Variants in RTN4 observed in about 807,000 individuals in gnomAD.
The protein encoded by RTN4 is reticulon-4.
RTN4 carries 32 observed loss-of-function variants against 90.4 expected under a neutral mutation model. That is an observed-to-expected ratio of 0.35 (90% CI 0.27 to 0.48). The LOEUF (loss-of-function observed/expected upper bound fraction) is 0.48. Ranked by LOEUF, RTN4 falls within the 20% of genes least tolerant of loss-of-function variation. The probability of loss-of-function intolerance (pLI) is 0.99; values close to 1 mark genes in which losing one functional copy is unlikely to be tolerated. For synonymous variants in RTN4, 629 were observed against 552.5 expected (o/e 1.14, Z -1.94); for missense variants, 1,706 against 1,430.2 (o/e 1.19, Z -3.11).
intron 5 of RTN4, among the ~76,000 whole-genome samples, chr2:54,980,107 C>G (rs1021135473): frequency 6.6e-5 from 10 of 152,180 alleles, no homozygotes; most frequent in Non-Finnish European, 1.3e-4. Context: ...AAGAACTTAT[C>G]AAGTTCGATT....
chr2:55,077,992 C>T (rs1038709315), intron 2 of RTN4, among the ~76,000 whole-genome samples: 13 of 150,024 alleles, frequency 8.7e-5, no homozygotes, highest in East Asian at 2.0e-4. Flanking sequence ...ATACCATGGA[C>T]GTTTGGGGAC....
intron 3 of RTN4, among the ~76,000 whole-genome samples, chr2:55,006,319 G>C (rs1389499603): frequency 6.6e-6 from 1 of 152,136 alleles, no homozygotes; most frequent in East Asian, 1.9e-4. Flanking sequence ...ACTGAAAGGA[G>C]AGTCGTTCCA....
Position 55,050,326 on chromosome 2 carries a change from A to AG in RTN4, c.-27dup, listed in dbSNP as rs1553447950. 1 of 1,364,894 alleles carries AG rather than the reference A, an allele frequency of 7.3e-7. No homozygotes were observed. Among genetic ancestry groups the AG allele is most frequent in the Non-Finnish European group, 9.5e-7 (1 of 1,053,764 alleles). The allele number at this position is 1,364,894 out of a possible 1,614,324, so 84.5% of individuals were successfully genotyped here. On this transcript the variant is annotated 5_prime_UTR_variant, in exon 1 of 9. Coordinates refer to ENST00000337526, the MANE Select transcript of RTN4 (RefSeq NM_020532.5). The surrounding 1 kb of genome is among the most constrained non-coding windows in gnomAD (Gnocchi z 4.6). ...GGCTGGAGGGTGGAGATGATGCTGC[A>AG]GCTGCTGCCGCCGCCGCCGGGGCCG...
intron 3 of RTN4, among the ~76,000 whole-genome samples, chr2:55,011,144 C>A (rs1222403782): frequency 6.6e-6 from 1 of 152,150 alleles, no homozygotes; most frequent in East Asian, 1.9e-4. Flanking sequence ...AAGAGATCCT[C>A]CCATCTCAGT....
chr2:55,032,225 G>A (rs1682368560), intron 1 of RTN4, among the ~76,000 whole-genome samples: 1 of 151,892 alleles, frequency 6.6e-6, no homozygotes. Context: ...GATTACAGGT[G>A]TCTGCCATCA....
chr2:55,076,673 C>T (rs1400365291), intron 2 of RTN4, among the ~76,000 whole-genome samples: 3 of 151,990 alleles, frequency 2.0e-5, no homozygotes, highest in South Asian at 4.2e-4. Flanking sequence ...GGATTACAGG[C>T]GAGAGCCACT....
chr2:55,134,044 C>A, the RTN4 span, among the ~76,000 whole-genome samples: 1 of 152,176 alleles, frequency 6.6e-6, no homozygotes, highest in Admixed American at 6.5e-5. Context: ...GGAATTTCCA[C>A]AACTGAGGGT....
chr2:54,975,804 A>T (rs149474081), intron 5 of RTN4, among the ~76,000 whole-genome samples: 2 of 152,378 alleles, frequency 1.3e-5, no homozygotes, highest in African/African-American at 4.8e-5. Context: ...GGATGACTCT[A>T]CCAAGCAACA....
At chr2:55,012,023 T>A (rs1183696482) in intron 3 of RTN4, among the ~76,000 whole-genome samples, 1 of 152,166 alleles carries the variant, frequency 6.6e-6, no homozygotes, top group African/African-American at 2.4e-5. Flanking sequence ...AAATACTGAC[T>A]TTCTAATAAC....
Position 55,030,070 on chromosome 2 carries a change from A to T in RTN4, c.557-1850T>A, listed in dbSNP as rs942128052. ...AACAAAATGGTTGTCTTTTTTATCT[A>T]GACAATATAGTTAAAAGCCACTAAT... On this transcript the variant is annotated intron_variant, in intron 1 of 8. Transcript: ENST00000337526. Among the ~76,000 whole-genome samples the T allele has an allele frequency of 9.2e-5, 14 of 152,184 alleles. 1 individual carries two copies. The highest frequency in any genetic ancestry group is 3.4e-4 in the African/African-American group (14 of 41,458).
intron 1 of RTN4, among the ~76,000 whole-genome samples, chr2:55,087,747 G>A (rs374620056): frequency 6.6e-6 from 1 of 151,922 alleles, no homozygotes. Flanking sequence ...ACTAGATATT[G>A]GCAAAATTGC....
chr2:55,068,689 T>A (rs73936825), intron 2 of RTN4, among the ~76,000 whole-genome samples: 27 of 57,408 alleles, frequency 4.7e-4, no homozygotes, highest in South Asian at 8.1e-4. Flanking sequence ...GGGGGGGGGG[T>A]GGGGGCTAGT....
At chr2:55,127,848 C>T in the RTN4 span, among the ~76,000 whole-genome samples, 1 of 152,140 alleles carries the variant, frequency 6.6e-6, no homozygotes, top group Non-Finnish European at 1.5e-5. Flanking sequence ...AATGCAGATA[C>T]TTCAGTGAAA....
intron 1 of RTN4, among the ~76,000 whole-genome samples, chr2:55,036,599 CAAAAAA>C (rs71410411): frequency 2.9e-4 from 21 of 72,994 alleles, no homozygotes; most frequent in East Asian, 2.8e-3. Context: ...AAGACTGTCT[CAAAAAA>C]AAAAAAAAAA....
chr2:55,025,283 GAA>G lies in RTN4; in HGVS notation c.2814_2815del (p.Ser939Ter). ...CTTTGATGTAGCAGACCCATTTTTAGAAAAGTCATCTGAGAAACTGATTTTCT... is the reference window on the plus strand; with the variant it reads ...CTTTGATGTAGCAGACCCATTTTTAGAAGTCATCTGAGAAACTGATTTTCT... On this transcript the variant is annotated frameshift_variant, in exon 3 of 9. Transcript: ENST00000337526. LOFTEE classifies it high-confidence loss of function. 2 of 1,613,890 alleles carry G rather than the reference GAA, an allele frequency of 1.2e-6. No homozygotes were observed. The highest frequency in any genetic ancestry group is 1.7e-6 in the Non-Finnish European group (2 of 1,179,870).
chr2:55,086,054 G>C (rs1031045032), intron 1 of RTN4, among the ~76,000 whole-genome samples: 3 of 152,158 alleles, frequency 2.0e-5, no homozygotes, highest in Non-Finnish European at 2.9e-5. Flanking sequence ...TCATCAGATA[G>C]AGCCCTTTCT....
chr2:55,122,127 A>G, the RTN4 span, among the ~76,000 whole-genome samples: 518 of 151,602 alleles, frequency 3.4e-3, 2 homozygotes, highest in Middle Eastern at 0.017. Flanking sequence ...CCCCACAGGT[A>G]GGGGCCCCCT....
intron 5 of RTN4, among the ~76,000 whole-genome samples, chr2:54,980,811 C>T (rs998564857): frequency 6.6e-6 from 1 of 152,158 alleles, no homozygotes; most frequent in Non-Finnish European, 1.5e-5. Context: ...CCATCTTAAG[C>T]GGCATCAGTA....
rs770287266 is a variant in RTN4, at chr2:55,050,192, C to T, written c.109G>A (p.Glu37Lys). ...FVREPEDEEE[E>K]EEEEEEDEDE... ...TCGTCCTCCTCTTCCTCCTCCTCTT[C>T]TTCCTCCTCGTCCTCGGGCTCCCTC... Residue 37 changes from glutamate to lysine, a missense_variant, in exon 1 of 9, where the codon GAA (glutamate) becomes AAA (lysine). Coordinates refer to ENST00000337526, the MANE Select transcript of RTN4 (RefSeq NM_020532.5). This position sits in a 1 kb window ranked among gnomAD's most constrained non-coding sequence, Gnocchi z 4.6. 2 of 1,571,464 alleles carry T rather than the reference C, an allele frequency of 1.3e-6. No homozygotes were observed. Among genetic ancestry groups the T allele is most frequent in the South Asian group, 2.3e-5 (2 of 86,562 alleles).
Sources: gnomAD v4.1 joint callset for allele counts (sites outside exome capture counted in the v4.1 genomes callset) on GRCh38, gnomAD v4.1.1 for gene constraint, Gnocchi (gnomAD v3.1) non-coding constraint, MANE v1.5 for transcripts, NCBI Gene and HGNC (gene_info 2026-07-23, HGNC 2026-07-21) for gene names.